Variants in ANKFY1 observed in about 807,000 individuals in gnomAD.
ANKFY1 encodes ankyrin repeat and FYVE domain-containing protein 1.
Under a neutral mutation model 128.3 loss-of-function variants are expected in ANKFY1, and 47 were observed. The observed-to-expected ratio is 0.37, with a 90% CI of 0.29 to 0.47. The LOEUF (loss-of-function observed/expected upper bound fraction) is 0.47, where lower values mean the gene tolerates loss of function less well. ANKFY1 is among the 20% of genes least tolerant of loss of function. The pLI, the probability that ANKFY1 is intolerant of heterozygous loss-of-function variation, is 1.00. For synonymous variants in ANKFY1, 553 were observed against 601.6 expected (o/e 0.92, Z 1.18); for missense variants, 1,222 against 1,510.6 (o/e 0.81, Z 3.17).
chr17:4,231,903 C>T (rs926177540), intron 3 of ANKFY1, among the ~76,000 whole-genome samples: 3 of 149,558 alleles, frequency 2.0e-5, no homozygotes, highest in African/African-American at 4.9e-5. Context: ...CACCATGGCA[C>T]TCTAGCCTGG....
chr17:4,192,098 A>C (rs1375424955), intron 10 of ANKFY1, among the ~76,000 whole-genome samples: 2 of 100,308 alleles, frequency 2.0e-5, no homozygotes, highest in East Asian at 4.0e-4. Flanking sequence ...TGGTTACTCT[A>C]ATCTGGAGAT....
intron 3 of ANKFY1, among the ~76,000 whole-genome samples, chr17:4,224,945 T>G (rs546195823): frequency 6.7e-4 from 101 of 151,846 alleles, no homozygotes; most frequent in African/African-American, 2.1e-3. Flanking sequence ...GTTGTCGTTT[T>G]TTTTTTTTTT....
At chr17:4,185,107 T>C in intron 11 of ANKFY1, 61 bp from the exon 12 acceptor site, 1 of 1,498,912 alleles carries the variant, frequency 6.7e-7, no homozygotes, top group East Asian at 2.4e-5. Context: ...ACAAAGAGCG[T>C]GGCAGCCTAA....
At chr17:4,235,948 T>A in intron 2 of ANKFY1, 58 bp from the exon 3 acceptor site, 5 of 1,252,334 alleles carry the variant, frequency 4.0e-6, no homozygotes, top group Non-Finnish European at 5.8e-6. Flanking sequence ...TAGGTATAGC[T>A]AGGATTCACA....
intron 1 of ANKFY1, among the ~76,000 whole-genome samples, chr17:4,247,233 C>G (rs939333608): frequency 6.6e-6 from 1 of 152,164 alleles, no homozygotes; most frequent in Non-Finnish European, 1.5e-5. Flanking sequence ...CATCTTCCCC[C>G]TCTCTGCTCT....
rs945751507 is a variant in ANKFY1 at position 4,206,397 on chromosome 17, C to A, written c.822G>T (p.Thr274=). ...CCACATCAGCTTTGTGACTAACCAG[C>A]GTGGTGGCAATACTCTCCAGTCGTC... ...LSRRLESIAT[T]LVSHKADVDM... The change falls in exon 7 of 25, where the codon ACG becomes ACT. Residue 274 remains threonine, a synonymous_variant. Coordinates refer to ENST00000341657, the MANE Select transcript of ANKFY1 (RefSeq NM_001330063.2). 1 of 1,614,054 alleles carries A rather than the reference C, an allele frequency of 6.2e-7. No individual in the cohort carries two copies. Among genetic ancestry groups the A allele is most frequent in the Non-Finnish European group, 8.5e-7 (1 of 1,180,036 alleles).
intron 17 of ANKFY1, 35 bp from the exon 18 acceptor site, chr17:4,179,092 G>C: frequency 1.2e-6 from 2 of 1,604,022 alleles, no homozygotes; most frequent in Non-Finnish European, 1.7e-6. Flanking sequence ...ATGTTCAATT[G>C]CAAGATAAAA....
intron 5 of ANKFY1, among the ~76,000 whole-genome samples, chr17:4,209,311 G>C (rs1358677490): frequency 1.3e-5 from 2 of 152,158 alleles, no homozygotes; most frequent in East Asian, 1.9e-4. Flanking sequence ...TCTTTTTTGG[G>C]GGGGCGGGAG....
intron 22 of ANKFY1, among the ~76,000 whole-genome samples, chr17:4,172,121 A>G (rs879878017): frequency 1.3e-5 from 2 of 152,206 alleles, no homozygotes; most frequent in Admixed American, 6.5e-5. Flanking sequence ...AGCCCTCTGC[A>G]TAAGAAGGCA....
intron 10 of ANKFY1, among the ~76,000 whole-genome samples, chr17:4,193,360 A>G (rs528666634): frequency 3.3e-4 from 49 of 150,572 alleles, no homozygotes; most frequent in Middle Eastern, 3.5e-3. Context: ...GCCTCAAGCA[A>G]TCCTCCCACA....
intron 1 of ANKFY1, among the ~76,000 whole-genome samples, chr17:4,259,049 G>T (rs1429691335): frequency 6.6e-6 from 1 of 152,188 alleles, no homozygotes; most frequent in African/African-American, 2.4e-5. Flanking sequence ...GGCGCTGTGG[G>T]AAAAGCATCA....
At chr17:4,197,612 G>A (rs2059849861) in intron 7 of ANKFY1, 35 bp from the exon 8 acceptor site, 1 of 1,595,296 alleles carries the variant, frequency 6.3e-7, no homozygotes, top group Non-Finnish European at 8.6e-7. Flanking sequence ...CAGTGTCAGG[G>A]CAAAGTATTC....
chr17:4,214,771 C>A (rs567903499), intron 4 of ANKFY1, among the ~76,000 whole-genome samples: 2 of 151,976 alleles, frequency 1.3e-5, no homozygotes, highest in Non-Finnish European at 2.9e-5. Context: ...TATATTTAAA[C>A]GTCCCACAAA....
intron 11 of ANKFY1, 56 bp from the exon 12 acceptor site, chr17:4,185,102 G>C: frequency 6.6e-7 from 1 of 1,515,164 alleles, no homozygotes; most frequent in South Asian, 1.2e-5. Flanking sequence ...CCTTCACAAA[G>C]AGCGTGGCAG....
chr17:4,193,778 G>A (rs2059762005), intron 10 of ANKFY1, among the ~76,000 whole-genome samples: 1 of 148,838 alleles, frequency 6.7e-6, no homozygotes, highest in Non-Finnish European at 1.5e-5. Flanking sequence ...ACTTATTTTT[G>A]AGATGGAGTC....
intron 1 of ANKFY1, among the ~76,000 whole-genome samples, chr17:4,255,145 T>A (rs966455081): frequency 1.3e-5 from 2 of 152,104 alleles, no homozygotes; most frequent in South Asian, 2.1e-4. Context: ...TCAGTCTTTC[T>A]AGATTCACAT....
intron 2 of ANKFY1, among the ~76,000 whole-genome samples, chr17:4,241,304 G>C (rs370649623): frequency 2.3e-5 from 3 of 132,636 alleles, no homozygotes; most frequent in African/African-American, 8.6e-5. Flanking sequence ...TTTTGAGATG[G>C]AGTCTCGCTC....
chr17:4,216,675 A>G, intron 4 of ANKFY1: 1 of 375,568 alleles, frequency 2.7e-6, no homozygotes, highest in Non-Finnish European at 5.1e-6. Context: ...GGGAAACAGA[A>G]AGGGAAGGAA....
At position 4,165,266 on chromosome 17, in the gene ANKFY1, C is replaced by T. The variant is rs530032679; in HGVS notation, c.*2513G>A. 1.5e-4 allele frequency: 23 copies of T among 152,334 alleles called. No homozygotes were observed. The highest frequency in any genetic ancestry group is 4.6e-4 in the African/African-American group (19 of 41,576). 9.4% of individuals were successfully genotyped at this position (152,334 alleles called of 1,614,324 possible). A position where few individuals can be genotyped will look rare whatever the true frequency, so the allele number is the denominator to read the frequency against. On this transcript the variant is annotated 3_prime_UTR_variant, in exon 25 of 25. Transcript: ENST00000341657. ...GCAGTTGAGAGCACATTCAGCATAACAATGTTGACTGTTGCAGCAAATTAT... is the reference window on the plus strand; with the variant it reads ...GCAGTTGAGAGCACATTCAGCATAATAATGTTGACTGTTGCAGCAAATTAT...
Sources: gnomAD v4.1 joint callset for allele counts (sites outside exome capture counted in the v4.1 genomes callset) on GRCh38, gnomAD v4.1.1 for gene constraint, MANE v1.5 for transcripts, NCBI Gene and HGNC (gene_info 2026-07-23, HGNC 2026-07-21) for gene names.